The following CHAMP1 variants were observed in gnomAD, a reference collection of about 807,000 sequenced individuals.
CHAMP1 encodes chromosome alignment maintaining phosphoprotein 1.
Under a neutral mutation model 54.5 loss-of-function variants are expected in CHAMP1, and 4 were observed. The ratio of observed to expected loss-of-function variants is 0.07; its 90% CI spans 0.04 to 0.17. CHAMP1 has a LOEUF of 0.17. CHAMP1 is among the 10% of genes least tolerant of loss of function. CHAMP1 has a pLI of 1.00. For missense variants in CHAMP1, 994 were observed against 968.6 expected, an observed-to-expected ratio of 1.03 and a Z score of -0.35; for synonymous variants, 368 against 342.2, an observed-to-expected ratio of 1.08 and a Z score of -0.83.
intron 1 of CHAMP1, among the ~76,000 whole-genome samples, chr13:114,316,216 T>G (rs759387246): frequency 4.0e-5 from 6 of 151,514 alleles, no homozygotes; most frequent in Admixed American, 2.6e-4. Context: ...TGGGCTGGAG[T>G]GCAGTTATGC....
In CHAMP1 at chr13:114,324,355, T is replaced by A. The variant is rs1188964473; in HGVS notation, c.513T>A (p.Leu171=). 6 of 1,613,976 alleles carry A rather than the reference T, an allele frequency of 3.7e-6. No individual in the cohort carries two copies. The highest frequency in any genetic ancestry group is 4.2e-6 in the Non-Finnish European group (5 of 1,180,006). Residue 171 remains leucine (L), a synonymous_variant, in exon 3 of 3, where the codon CTT becomes CTA. Transcript: ENST00000361283. ...SVVSPELQTP[L]PSPEPSKPAS... is the part of the protein sequence containing the mutation. ...TTTCTCCTGAGCTACAGACACCTCT[T>A]CCTTCTCCTGAGCCTTCAAAACCTG...
chr13:114,325,300 T>G lies in CHAMP1; in HGVS notation c.1458T>G (p.Ile486Met). 1 of 1,614,140 alleles carries G rather than the reference T, an allele frequency of 6.2e-7. No homozygotes were observed. Among genetic ancestry groups the G allele is most frequent in the South Asian group, 1.1e-5 (1 of 91,080 alleles). The change falls in exon 3 of 3, where the codon ATT becomes ATG. Residue 486 changes from isoleucine (I) to methionine (M), a missense_variant. Ile to Met is a conservative substitution (Grantham distance 10). Coordinates refer to ENST00000361283, the MANE Select transcript of CHAMP1 (RefSeq NM_032436.4). ...SPDLWKSSFFIEPQKPVFPET... is the reference protein window; with the variant it reads ...SPDLWKSSFFMEPQKPVFPET... ...ATCTCTGGAAGTCTTCCTTTTTTATTGAGCCTCAGAAACCTGTCTTCCCTG... is the reference window on the plus strand; with the variant it reads ...ATCTCTGGAAGTCTTCCTTTTTTATGGAGCCTCAGAAACCTGTCTTCCCTG...
At chr13:114,323,668 A>G (rs2087200328) in intron 2 of CHAMP1, 120 bp from the exon 3 acceptor site, 3 of 767,038 alleles carry the variant, frequency 3.9e-6, no homozygotes, top group Non-Finnish European at 5.9e-6. Flanking sequence ...CTCCCTAGAG[A>G]TACTATCAAA....
In CHAMP1 at chr13:114,324,197, T is replaced by C; in HGVS notation, c.355T>C (p.Cys119Arg). The change falls in exon 3 of 3, where the codon TGC becomes CGC. Residue 119 changes from cysteine to arginine, a missense_variant. By Grantham distance (180) the Cys-to-Arg change is radical. Coordinates refer to ENST00000361283, the MANE Select transcript of CHAMP1 (RefSeq NM_032436.4). ...PPLPEHQKIP[C>R]NSAEPKSIPA... ...TCTTCCTGAACACCAGAAAATACCC[T>C]GCAATTCAGCAGAACCAAAATCCAT... is the stretch of plus-strand genomic sequence containing the variant. The C allele has an allele frequency of 6.2e-7, 1 of 1,614,140 alleles. No homozygotes were observed. The highest frequency in any genetic ancestry group is 8.5e-7 in the Non-Finnish European group (1 of 1,180,034).
Position 114,326,231 on chromosome 13 carries a change from A to T in CHAMP1, c.2389A>T (p.Lys797Ter). ...AAGCCGGCATAATGAAGAGGCAAAT[A>T]AAAAGCTAATGGAAGCTCTTGAACC... ...CQSRHNEEAN[K>*]KLMEALEPPL... The change falls in exon 3 of 3, where the codon AAA becomes TAA. Residue 797 changes from lysine (K) to a stop codon, truncating the protein, a stop_gained. Coordinates refer to ENST00000361283, the MANE Select transcript of CHAMP1 (RefSeq NM_032436.4). LOFTEE classifies it high-confidence loss of function. 6.3e-7 allele frequency: 1 copy of T among 1,595,770 alleles called. No individual in the cohort carries two copies. Among genetic ancestry groups the T allele is most frequent in the Non-Finnish European group, 8.5e-7 (1 of 1,171,468 alleles).
intron 1 of CHAMP1, among the ~76,000 whole-genome samples, chr13:114,319,046 T>G (rs183865642): frequency 3.7e-4 from 57 of 152,114 alleles, no homozygotes; most frequent in Admixed American, 5.9e-4. Context: ...TTCTAAGTGT[T>G]TGTTTCATCT....
chr13:114,320,175 A>G lies in CHAMP1; in HGVS notation c.-178-935A>G, dbSNP rs868920614. 5.9e-5 allele frequency among the ~76,000 whole-genome samples: 9 copies of G among 152,342 alleles called. No individual in the cohort carries two copies. In the South Asian group the frequency reaches 1.9e-3, roughly 32 times the overall value. On this transcript the variant is annotated intron_variant, in intron 1 of 2. Transcript: ENST00000361283. ...GAATGTGCTGGAGCTAATCAGAAGC[A>G]TAATATGAGCTGTTGTGTAGCTTGT...
chr13:114,320,766 C>A (rs575576237), intron 1 of CHAMP1, among the ~76,000 whole-genome samples: 2 of 152,160 alleles, frequency 1.3e-5, no homozygotes, highest in East Asian at 3.9e-4. Context: ...ACCATCCTGG[C>A]TAACACGGTG....
intron 2 of CHAMP1, chr13:114,322,397 C>T (rs1200874776): frequency 6.6e-6 from 1 of 152,148 alleles, no homozygotes; most frequent in Non-Finnish European, 1.5e-5. Flanking sequence ...CATTTCTAAT[C>T]TGTACTGTTC....
At chr13:114,322,488 A>G (rs1013958953) in intron 2 of CHAMP1, 2 of 152,250 alleles carry the variant, frequency 1.3e-5, no homozygotes, top group Non-Finnish European at 2.9e-5. Flanking sequence ...CATTAACACA[A>G]TAGTGAAATA....
rs374334158 is a variant in CHAMP1 at position 114,325,146 on chromosome 13, G to A, written c.1304G>A (p.Gly435Glu). The A allele has an allele frequency of 1.2e-6, 2 of 1,614,012 alleles. No individual in the cohort carries two copies. Among genetic ancestry groups the A allele is most frequent in the African/African-American group, 2.7e-5 (2 of 74,880 alleles). The change falls in exon 3 of 3, where the codon GGA (glycine) becomes GAA (glutamate). Residue 435 changes from glycine (G) to glutamate (E), a missense_variant. Transcript: ENST00000361283. The stretch of plus-strand genomic sequence containing the variant: ...TCCCCAGAGATCCGTAGTCCAGCAG[G>A]ATCTCCAGAGCTCAGAAAACCCTCA... ...PLSPEIRSPA[G>E]SPELRKPSGS...
chr13:114,323,689 A>G (rs1594869038), intron 2 of CHAMP1, 99 bp from the exon 3 acceptor site: 1 of 950,534 alleles, frequency 1.1e-6, no homozygotes, highest in Non-Finnish European at 1.5e-6. Flanking sequence ...TAAAGCACGC[A>G]CTGTTCTAGA....
chr13:114,322,547 GTC>G (rs1566789997), intron 2 of CHAMP1: 1 of 152,174 alleles, frequency 6.6e-6, no homozygotes, highest in Non-Finnish European at 1.5e-5. Flanking sequence ...ATAGGAAATT[GTC>G]TCTCATATAT....
intron 1 of CHAMP1, among the ~76,000 whole-genome samples, chr13:114,315,933 T>G (rs1387150035): frequency 6.8e-6 from 1 of 147,520 alleles, no homozygotes; most frequent in Non-Finnish European, 1.5e-5. Flanking sequence ...GCCCCCTGGG[T>G]TCAAGGGATT....
Position 114,326,056 on chromosome 13 carries a change from C to T in CHAMP1, c.2214C>T (p.Tyr738=). 3 of 1,613,260 alleles carry T rather than the reference C, an allele frequency of 1.9e-6. No individual in the cohort carries two copies. The highest frequency in any genetic ancestry group is 2.5e-6 in the Non-Finnish European group (3 of 1,179,570). The change falls in exon 3 of 3, where the codon TAC becomes TAT. Residue 738 remains tyrosine, a synonymous_variant. Transcript: ENST00000361283. ...ATAAGCATAATGTTCATAGCCCTTACAAATGCACAATCTGTGGAAAGGCTT... is the reference window on the plus strand; with the variant it reads ...ATAAGCATAATGTTCATAGCCCTTATAAATGCACAATCTGTGGAAAGGCTT... ...LVNKHNVHSP[Y]KCTICGKAFL...
In CHAMP1 at chr13:114,325,878, C is replaced by G. The variant is rs1555379944; in HGVS notation, c.2036C>G (p.Ser679Cys). The G allele has an allele frequency of 1.9e-6, 3 of 1,613,978 alleles. No individual in the cohort carries two copies. The highest frequency in any genetic ancestry group is 2.5e-6 in the Non-Finnish European group (3 of 1,179,988). ...NKMDMTSPEQSRNVLQFTEEK... is the reference protein window; with the variant it reads ...NKMDMTSPEQCRNVLQFTEEK... ...ATGGACATGACTAGTCCAGAGCAGT[C>G]TAGAAATGTGCTACAGTTTACTGAA... is the stretch of plus-strand genomic sequence containing the variant. Residue 679 changes from serine to cysteine, a missense_variant, in exon 3 of 3, where the codon TCT (serine) becomes TGT (cysteine). By Grantham distance (112) the Ser-to-Cys change is moderately radical. This residue lies in a region of CHAMP1 where 851 missense variants were observed against 701.3 expected (regional missense o/e 1.21). Coordinates refer to ENST00000361283, the MANE Select transcript of CHAMP1 (RefSeq NM_032436.4).
rs781848204 is a variant in CHAMP1, at chr13:114,324,384, C to G, written c.542C>G (p.Ser181Cys). Residue 181 changes from serine (S) to cysteine (C), a missense_variant, in exon 3 of 3, where the codon TCT (serine) becomes TGT (cysteine). Ser to Cys is a moderately radical substitution (Grantham distance 112, BLOSUM62 -1). Around this residue, in one of 3 missense-constraint regions of CHAMP1, gnomAD observed 851 missense variants for 701.3 expected, o/e 1.21. Coordinates refer to ENST00000361283, the MANE Select transcript of CHAMP1 (RefSeq NM_032436.4). ...LPSPEPSKPASVSSPEPPKSV... is the reference protein window; with the variant it reads ...LPSPEPSKPACVSSPEPPKSV... ...TCTCCTGAGCCTTCAAAACCTGCCT[C>G]TGTTTCTTCTCCTGAACCTCCAAAA... 2 of 1,614,074 alleles carry G rather than the reference C, an allele frequency of 1.2e-6. No individual in the cohort carries two copies. The highest frequency in any genetic ancestry group is 2.7e-5 in the African/African-American group (2 of 74,916).
At position 114,325,454 on chromosome 13, in the gene CHAMP1, G is replaced by T. The variant is rs1362035846; in HGVS notation, c.1612G>T (p.Ala538Ser). The T allele has an allele frequency of 5.0e-6, 8 of 1,613,922 alleles. No homozygotes were observed. The highest frequency in any genetic ancestry group is 5.9e-6 in the Non-Finnish European group (7 of 1,180,038). The change falls in exon 3 of 3, where the codon GCC (alanine) becomes TCC (serine). Residue 538 changes from alanine to serine, a missense_variant. Physicochemically the swap from Ala to Ser is moderately conservative, Grantham distance 99. Transcript: ENST00000361283. ...CCTGTTTCCCGAGCCTGCCAAAACA[G>T]CCCCTCCTGCTTCTCCAGAAGCACG... is the stretch of plus-strand genomic sequence containing the variant. The part of the protein sequence containing the change: ...PALFPEPAKT[A>S]PPASPEARKR...
In CHAMP1 at chr13:114,326,115, C is replaced by T. The variant is rs1555379983; in HGVS notation, c.2273C>T (p.Ala758Val). The T allele has an allele frequency of 6.2e-7, 1 of 1,613,106 alleles. No homozygotes were observed. Among genetic ancestry groups the T allele is most frequent in the Admixed American group, 1.7e-5 (1 of 59,854 alleles). Residue 758 changes from alanine (A) to valine (V), a missense_variant, in exon 3 of 3, where the codon GCA becomes GTA. Physicochemically the swap from Ala to Val is moderately conservative, Grantham distance 64 (BLOSUM62 0). This residue lies in a region of CHAMP1 where 59 missense variants were observed against 146.7 expected (regional missense o/e 0.40). Coordinates refer to ENST00000361283, the MANE Select transcript of CHAMP1 (RefSeq NM_032436.4). ...GAATCTCTCCTTAAAAATCATGTAG[C>T]AGCCCATGGGCAAAGTTTACTTAAA... is the stretch of plus-strand genomic sequence containing the variant. Reference protein sequence around the residue: ...LLESLLKNHVAAHGQSLLKCP... With the variant: ...LLESLLKNHVVAHGQSLLKCP...
Sources: gnomAD v4.1 joint callset for allele counts (sites outside exome capture counted in the v4.1 genomes callset) on GRCh38, gnomAD v4.1.1 for gene constraint, gnomAD v4.1.1 regional missense constraint, MANE v1.5 for transcripts, NCBI Gene and HGNC (gene_info 2026-07-23, HGNC 2026-07-21) for gene names.